The following ARHGAP24 variants were observed in gnomAD, a reference collection of about 807,000 sequenced individuals.
ARHGAP24 encodes Rho GTPase activating protein 24, also known as rho GTPase-activating protein 24.
Under a neutral mutation model 76.4 loss-of-function variants are expected in ARHGAP24, and 50 were observed. That is an observed-to-expected ratio of 0.65 (90% CI 0.52 to 0.83). The LOEUF (loss-of-function observed/expected upper bound fraction) is 0.83. Among genes scored for constraint, ARHGAP24 ranks in the 40% least tolerant of loss-of-function variants. ARHGAP24 has a pLI of 0.00. For missense variants in ARHGAP24, 930 were observed against 914.2 expected, an observed-to-expected ratio of 1.02 and a Z score of -0.22; for synonymous variants, 345 against 323.3, an observed-to-expected ratio of 1.07 and a Z score of -0.72.
Position 85,994,777 on chromosome 4 carries a change from T to C in ARHGAP24, c.1123T>C (p.Ser375Pro), listed in dbSNP as rs1422281829. Residue 375 changes from serine (S) to proline (P), a missense_variant, in exon 9 of 10, where the codon TCC (serine) becomes CCC (proline). Transcript: ENST00000395184. Reference sequence around the variant, plus strand: ...CAAGGACAGCCCTAGTAGGCAGTGCTCCTGGGACAAGTCTGAGTCACCCCA... The same window carrying C: ...CAAGGACAGCCCTAGTAGGCAGTGCCCCTGGGACAAGTCTGAGTCACCCCA... The part of the protein sequence containing the change: ...NTKDSPSRQC[S>P]WDKSESPQRS... The C allele has an allele frequency of 6.2e-7, 1 of 1,614,034 alleles. No homozygotes were observed. The highest frequency in any genetic ancestry group is 8.5e-7 in the Non-Finnish European group (1 of 1,180,002).
intron 3 of ARHGAP24, among the ~76,000 whole-genome samples, chr4:85,848,035 A>G (rs1332002985): frequency 6.6e-6 from 1 of 152,186 alleles, no homozygotes. Flanking sequence ...TCTGTTTTCT[A>G]TAACTTTTCT....
intron 3 of ARHGAP24, among the ~76,000 whole-genome samples, chr4:85,895,013 A>C: frequency 6.0e-5 from 2 of 33,260 alleles, no homozygotes; most frequent in Non-Finnish European, 1.6e-4. Flanking sequence ...AAAAAAAAAA[A>C]AAAAAAAAGA....
At chr4:85,837,683 G>A (rs1023395822) in intron 3 of ARHGAP24, among the ~76,000 whole-genome samples, 2 of 152,126 alleles carry the variant, frequency 1.3e-5, no homozygotes, top group African/African-American at 4.8e-5. Context: ...ATTCACAGAA[G>A]TAAAATATGC....
intron 3 of ARHGAP24, among the ~76,000 whole-genome samples, chr4:85,898,722 C>G (rs1734330958): frequency 6.6e-6 from 1 of 152,060 alleles, no homozygotes. Flanking sequence ...ATAAGAATTA[C>G]TGGGATTTAA....
intron 3 of ARHGAP24, among the ~76,000 whole-genome samples, chr4:85,857,501 G>C (rs1731648944): frequency 6.6e-6 from 1 of 152,050 alleles, no homozygotes; most frequent in South Asian, 2.1e-4. Flanking sequence ...CAATTATTAT[G>C]TATTTTTTTG....
chr4:85,802,582 G>A (rs1189759076), intron 3 of ARHGAP24, among the ~76,000 whole-genome samples: 2 of 152,160 alleles, frequency 1.3e-5, no homozygotes, highest in African/African-American at 4.8e-5. Context: ...ACCCGAGGTC[G>A]GGAGTTCCAT....
At chr4:85,550,420 A>G (rs1726086029) in intron 1 of ARHGAP24, among the ~76,000 whole-genome samples, 1 of 152,050 alleles carries the variant, frequency 6.6e-6, no homozygotes, top group African/African-American at 2.4e-5. Context: ...TGTTTTTGTA[A>G]CAATATCATG....
chr4:85,994,988 G>T lies in ARHGAP24; in HGVS notation c.1334G>T (p.Gly445Val), dbSNP rs1280953389. The change falls in exon 9 of 10, where the codon GGT becomes GTT. Residue 445 changes from glycine to valine, a missense_variant. By Grantham distance (109) the Gly-to-Val change is moderately radical. Coordinates refer to ENST00000395184, the MANE Select transcript of ARHGAP24 (RefSeq NM_001025616.3). ...TCCTTCAGCAGCAGTAATGCAGAAG[G>T]TCTTGAGAAAACCCAAACCACCCCC... ...NGSFSSSNAEGLEKTQTTPNG... is the reference protein window; with the variant it reads ...NGSFSSSNAEVLEKTQTTPNG... 1.2e-6 allele frequency: 2 copies of T among 1,614,106 alleles called. No individual in the cohort carries two copies. The highest frequency in any genetic ancestry group is 1.7e-6 in the Non-Finnish European group (2 of 1,180,026).
intron 3 of ARHGAP24, among the ~76,000 whole-genome samples, chr4:85,903,399 A>C (rs1461438253): frequency 2.6e-5 from 4 of 152,126 alleles, no homozygotes; most frequent in African/African-American, 4.8e-5. Context: ...AAAATCTTAT[A>C]GTTTGTTCAC....
chr4:85,599,069 T>C (rs988144882), intron 2 of ARHGAP24, among the ~76,000 whole-genome samples: 6 of 152,142 alleles, frequency 3.9e-5, no homozygotes, highest in African/African-American at 1.4e-4. Context: ...ACGAGCCACA[T>C]TTCACATACT....
At chr4:85,989,798 TA>T (rs970953099) in intron 8 of ARHGAP24, among the ~76,000 whole-genome samples, 1 of 145,276 alleles carries the variant, frequency 6.9e-6, no homozygotes, top group African/African-American at 2.8e-5. Flanking sequence ...CGGATGCAGA[TA>T]AAAAAATTGA....
At position 85,809,045 on chromosome 4, in the gene ARHGAP24, G is replaced by A. The variant is rs200126772; in HGVS notation, c.268+87073G>A. On this transcript the variant is annotated intron_variant, in intron 3 of 9. Coordinates refer to ENST00000395184, the MANE Select transcript of ARHGAP24 (RefSeq NM_001025616.3). ...AAGTACCTGTCATAAGCATTGCATA[G>A]AAAATCATTACTCACACCTGTTAAA... 7.2e-5 allele frequency among the ~76,000 whole-genome samples: 11 copies of A among 152,242 alleles called. No individual in the cohort carries two copies. In the East Asian group the frequency reaches 1.9e-3, roughly 27 times the overall value.
At chr4:85,541,883 G>T (rs1488201836) in intron 1 of ARHGAP24, among the ~76,000 whole-genome samples, 2 of 151,982 alleles carry the variant, frequency 1.3e-5, no homozygotes, top group Non-Finnish European at 2.9e-5. Flanking sequence ...ACGATAGTGT[G>T]GAAGGCCTGA....
At chr4:85,549,425 A>G (rs958015050) in intron 1 of ARHGAP24, among the ~76,000 whole-genome samples, 1 of 151,792 alleles carries the variant, frequency 6.6e-6, no homozygotes, top group Non-Finnish European at 1.5e-5. Flanking sequence ...GGACTGTTTC[A>G]TGAGATTATT....
chr4:85,530,158 T>C (rs1286991872), intron 1 of ARHGAP24, among the ~76,000 whole-genome samples: 8 of 150,812 alleles, frequency 5.3e-5, no homozygotes, highest in African/African-American at 2.0e-4. Flanking sequence ...AGTCAACAAG[T>C]AAATATTTTC....
At chr4:85,740,232 T>C (rs2110059476) in intron 3 of ARHGAP24, among the ~76,000 whole-genome samples, 1 of 151,930 alleles carries the variant, frequency 6.6e-6, no homozygotes. Context: ...GGGTTTTTTT[T>C]TTTTTTAGAC....
At chr4:85,894,094 T>TGTA (rs1733997093) in intron 3 of ARHGAP24, among the ~76,000 whole-genome samples, 1 of 17,004 alleles carries the variant, frequency 5.9e-5, no homozygotes, top group Non-Finnish European at 1.4e-4. Flanking sequence ...AAACTTAGAG[T>TGTA]ATAATAAAAA....
intron 7 of ARHGAP24, among the ~76,000 whole-genome samples, chr4:85,977,029 C>T (rs1368236966): frequency 6.6e-6 from 1 of 152,040 alleles, no homozygotes; most frequent in Non-Finnish European, 1.5e-5. Context: ...CTCAGGTGAT[C>T]CACCTGCCTT....
chr4:85,775,467 T>C (rs11097074), intron 3 of ARHGAP24, among the ~76,000 whole-genome samples: 36,632 of 152,060 alleles, frequency 0.24, 4,725 homozygotes, highest in African/African-American at 0.3. Context: ...ACATCTTACA[T>C]GGCAGCAGGC....
Sources: allele counts gnomAD v4.1 joint callset (sites outside exome capture counted in the v4.1 genomes callset), GRCh38; gene constraint gnomAD v4.1.1; transcripts MANE v1.5; gene names NCBI Gene and HGNC (gene_info 2026-07-23, HGNC 2026-07-21).